The following TRAPPC13 variants were observed in gnomAD, a reference collection of about 807,000 sequenced individuals.
TRAPPC13 encodes REV7-interacting novel NHEJ regulator 1.
Under a neutral mutation model 54.0 loss-of-function variants are expected in TRAPPC13, and 39 were observed. The ratio of observed to expected loss-of-function variants is 0.72; its 90% CI spans 0.56 to 0.94. The LOEUF is 0.94. Among genes scored for constraint, TRAPPC13 ranks in the 40% least tolerant of loss-of-function variants. TRAPPC13 has a pLI of 0.00. For missense variants in TRAPPC13, 386 were observed against 488.1 expected, an observed-to-expected ratio of 0.79 and a Z score of 1.97; for synonymous variants, 148 against 167.7, an observed-to-expected ratio of 0.88 and a Z score of 0.91.
chr5:65,633,721 TA>T, intron 1 of TRAPPC13, among the ~76,000 whole-genome samples: 1 of 152,104 alleles, frequency 6.6e-6, no homozygotes, highest in Non-Finnish European at 1.5e-5. Flanking sequence ...AAAAGATTTT[TA>T]AAAAAATTAT....
chr5:65,640,363 A>G (rs558849565), intron 4 of TRAPPC13, among the ~76,000 whole-genome samples: 3 of 152,318 alleles, frequency 2.0e-5, no homozygotes, highest in East Asian at 1.9e-4. Context: ...ATAGCAAGGC[A>G]CCGCCTCTAC....
chr5:65,658,486 G>T lies in TRAPPC13; in HGVS notation c.683G>T (p.Ser228Ile). 6.4e-7 allele frequency: 1 copy of T among 1,569,058 alleles called. No homozygotes were observed. Among genetic ancestry groups the T allele is most frequent in the Non-Finnish European group, 8.7e-7 (1 of 1,155,376 alleles). The change falls in exon 9 of 13, where the codon AGC becomes ATC. Residue 228 changes from serine to isoleucine, a missense_variant. Coordinates refer to ENST00000399438, the MANE Select transcript of TRAPPC13 (RefSeq NM_024941.4). Reference sequence around the variant, plus strand: ...AATGTAACAGAATTAAATTCAGTCAGCCAAGCTGGAGAATGGTAAATATTA... The same window carrying T: ...AATGTAACAGAATTAAATTCAGTCATCCAAGCTGGAGAATGGTAAATATTA... ...MYNVTELNSVSQAGECVSTFG... is the reference protein window; with the variant it reads ...MYNVTELNSVIQAGECVSTFG...
chr5:65,658,971 T>C (rs950166654), intron 9 of TRAPPC13, among the ~76,000 whole-genome samples: 5 of 152,096 alleles, frequency 3.3e-5, no homozygotes, highest in African/African-American at 9.7e-5. Context: ...CTGCCCACCT[T>C]ATCCTCCCAA....
chr5:65,637,679 CTTATT>C lies in TRAPPC13; in HGVS notation c.216-8_216-4del. 1 of 1,323,030 alleles carries C rather than the reference CTTATT, an allele frequency of 7.6e-7. No individual in the cohort carries two copies. The highest frequency in any genetic ancestry group is 1.3e-5 in the South Asian group (1 of 78,636). The allele number at this position is 1,323,030 out of a possible 1,614,324, so 82.0% of individuals were successfully genotyped here. A position where few individuals can be genotyped will look rare whatever the true frequency, so the allele number is the denominator to read the frequency against. The stretch of plus-strand genomic sequence containing the variant: ...ACCTGAATGGATTTCTGCCTAAATA[CTTATT>C]TTATTTTACAGGAATATATTTTTGG... On this transcript the variant is annotated splice_polypyrimidine_tract_variant and intron_variant, in intron 3 of 12. Coordinates refer to ENST00000399438, the MANE Select transcript of TRAPPC13 (RefSeq NM_024941.4).
intron 6 of TRAPPC13, among the ~76,000 whole-genome samples, 177 bp downstream of exon 6, chr5:65,651,059 G>A (rs541777619): frequency 6.6e-6 from 1 of 152,274 alleles, no homozygotes; most frequent in East Asian, 1.9e-4. Flanking sequence ...GTGAATAAAA[G>A]CAGAAGAATT....
At chr5:65,656,201 A>G (rs1756646220) in intron 8 of TRAPPC13, among the ~76,000 whole-genome samples, 2 of 152,256 alleles carry the variant, frequency 1.3e-5, no homozygotes, top group Admixed American at 1.3e-4. Flanking sequence ...ATATGTAATA[A>G]CATCAACTGC....
intron 1 of TRAPPC13, among the ~76,000 whole-genome samples, chr5:65,631,790 C>G (rs1031479999): frequency 6.6e-6 from 1 of 152,110 alleles, no homozygotes; most frequent in African/African-American, 2.4e-5. Context: ...ACCATCTCAT[C>G]CCCTGCTAAA....
chr5:65,652,380 GAA>G, intron 6 of TRAPPC13, 119 bp from the exon 7 acceptor site: 1 of 344,356 alleles, frequency 2.9e-6, no homozygotes, highest in East Asian at 5.4e-5. Context: ...ATACCTATTA[GAA>G]AAGTCTTTTA....
At chr5:65,633,659 GT>G (rs1462900215) in intron 1 of TRAPPC13, among the ~76,000 whole-genome samples, 2 of 151,922 alleles carry the variant, frequency 1.3e-5, no homozygotes, top group African/African-American at 4.8e-5. Flanking sequence ...TTAATTTTAT[GT>G]TTTTGTTTTT....
chr5:65,646,463 T>C (rs573973031), intron 4 of TRAPPC13, among the ~76,000 whole-genome samples: 45 of 152,334 alleles, frequency 3.0e-4, no homozygotes, highest in African/African-American at 1.1e-3. Flanking sequence ...TTAAAAACCA[T>C]GTGTTCATAC....
chr5:65,657,483 A>G (rs1339322155), intron 8 of TRAPPC13, among the ~76,000 whole-genome samples: 2 of 152,212 alleles, frequency 1.3e-5, no homozygotes, highest in Non-Finnish European at 2.9e-5. Flanking sequence ...GAAAAAAATT[A>G]TTGAATACCC....
intron 1 of TRAPPC13, chr5:65,630,838 T>A (rs975951064): frequency 3.8e-6 from 1 of 261,160 alleles, no homozygotes; most frequent in Admixed American, 6.4e-5. Context: ...ATGTATACTT[T>A]GCCTAAAACG....
rs770973082 is a variant in TRAPPC13 at position 65,625,153 on chromosome 5, C to T, written c.46+47C>T. On this transcript the variant is annotated intron_variant, in intron 1 of 12. Coordinates refer to ENST00000399438, the MANE Select transcript of TRAPPC13 (RefSeq NM_024941.4). ...TCCCCCTTTTCTGTTTCCTTGCATT[C>T]CCTACTTATCGAAGCCTTTGCCATG... 5 of 1,509,562 alleles carry T rather than the reference C, an allele frequency of 3.3e-6. No individual in the cohort carries two copies. In the South Asian group the frequency reaches 5.6e-5, roughly 17 times the overall value. 93.5% of individuals were successfully genotyped at this position (1,509,562 alleles called of 1,614,324 possible).
intron 4 of TRAPPC13, among the ~76,000 whole-genome samples, chr5:65,643,772 G>A (rs1300764887): frequency 6.8e-6 from 1 of 147,500 alleles, no homozygotes; most frequent in Non-Finnish European, 1.5e-5. Flanking sequence ...AGCCGAGATC[G>A]TGCCACTGCA....
In TRAPPC13 at chr5:65,660,907, GA is replaced by G. The variant is rs1286556907; in HGVS notation, c.897+16del. ...CCAACTTCAAAGAATGGTGAGTCTG[GA>G]AAAAACTTCGCTGGGGTTTTGGTGT... On this transcript the variant is annotated intron_variant, in intron 10 of 12. Coordinates refer to ENST00000399438, the MANE Select transcript of TRAPPC13 (RefSeq NM_024941.4). 3 of 1,594,842 alleles carry G rather than the reference GA, an allele frequency of 1.9e-6. No homozygotes were observed. Among genetic ancestry groups the G allele is most frequent in the South Asian group, 1.1e-5 (1 of 87,986 alleles).
chr5:65,663,271 C>G (rs1756906115), intron 11 of TRAPPC13: 1 of 152,194 alleles, frequency 6.6e-6, no homozygotes. Flanking sequence ...CTAAAAAGCA[C>G]ATGTCTCTTA....
rs1392527665 is a variant in TRAPPC13 at position 65,650,960 on chromosome 5, G to A, written c.501+78G>A. The A allele has an allele frequency of 4.7e-6, 5 of 1,069,034 alleles. No homozygotes were observed. In the East Asian group the frequency reaches 1.2e-4, roughly 26 times the overall value. 66.2% of individuals were successfully genotyped at this position (1,069,034 alleles called of 1,614,324 possible). A position where few individuals can be genotyped will look rare whatever the true frequency, so the allele number is the denominator to read the frequency against. On this transcript the variant is annotated intron_variant, in intron 6 of 12. Coordinates refer to ENST00000399438, the MANE Select transcript of TRAPPC13 (RefSeq NM_024941.4). The stretch of plus-strand genomic sequence containing the variant: ...AGTATACAGTTATTCCCGTTTATCT[G>A]CAGGGAAAACAAGCTCCAAATAAAG...
chr5:65,659,111 TCA>T (rs1756758641), intron 9 of TRAPPC13, among the ~76,000 whole-genome samples: 1 of 152,196 alleles, frequency 6.6e-6, no homozygotes, highest in African/African-American at 2.4e-5. Flanking sequence ...ACATTAGAAT[TCA>T]CACTTTTTGT....
intron 4 of TRAPPC13, among the ~76,000 whole-genome samples, chr5:65,642,344 A>G: frequency 6.6e-6 from 1 of 151,760 alleles, no homozygotes; most frequent in East Asian, 1.9e-4. Flanking sequence ...AATTTCTTGT[A>G]TTGCAACATT....
Sources: gnomAD v4.1 joint callset for allele counts (sites outside exome capture counted in the v4.1 genomes callset) on GRCh38, gnomAD v4.1.1 for gene constraint, MANE v1.5 for transcripts, NCBI Gene and HGNC (gene_info 2026-07-23, HGNC 2026-07-21) for gene names.